L3MBTL1: variants seen among roughly 807,000 people sequenced by gnomAD.
L3MBTL1 encodes lethal(3)malignant brain tumor-like protein 1.
A neutral mutation model predicts 105.3 loss-of-function variants in L3MBTL1; 75 were observed. The ratio of observed to expected loss-of-function variants is 0.71; its 90% confidence interval spans 0.59 to 0.86. L3MBTL1 has a LOEUF of 0.86. Among genes scored for constraint, L3MBTL1 ranks in the 40% least tolerant of loss-of-function variants. L3MBTL1 has a pLI of 0.00. For missense variants in L3MBTL1, 1,069 were observed against 1,126.4 expected (o/e 0.95, Z 0.73); for synonymous variants, 452 against 436.2 (o/e 1.04, Z -0.45).
chr20:43,520,026 C>G (rs552833102), intron 7 of L3MBTL1, among the ~76,000 whole-genome samples: 60 of 152,224 alleles, frequency 3.9e-4, no homozygotes, highest in African/African-American at 1.4e-3. Context: ...CTGTAACCAT[C>G]ACCAAAACAT....
intron 19 of L3MBTL1, among the ~76,000 whole-genome samples, chr20:43,537,156 A>G (rs2019673416): frequency 6.6e-6 from 1 of 152,260 alleles, no homozygotes; most frequent in African/African-American, 2.4e-5. Context: ...TATAAGAGAC[A>G]TAAAGCACCT....
intron 7 of L3MBTL1, among the ~76,000 whole-genome samples, chr20:43,522,469 T>G (rs1180251488): frequency 2.5e-5 from 3 of 121,004 alleles, no homozygotes; most frequent in South Asian, 3.1e-4. Context: ...TTTTTTTTTT[T>G]TTTTTTTTTT....
intron 7 of L3MBTL1, among the ~76,000 whole-genome samples, 164 bp from the exon 8 acceptor site, chr20:43,528,493 A>C (rs1340163306): frequency 2.6e-5 from 4 of 152,206 alleles, no homozygotes; most frequent in African/African-American, 9.6e-5. Context: ...GCCTCCCCTC[A>C]GCCCCGTGTC....
At position 43,536,431 on chromosome 20, in the gene L3MBTL1, C is replaced by T. The variant is rs1433081565; in HGVS notation, c.2146C>T (p.Arg716Ter). Residue 716 changes from arginine to a stop codon, truncating the protein, a stop_gained, in exon 19 of 22, where the codon CGA (arginine) becomes TGA (stop). Coordinates refer to ENST00000418998, the MANE Select transcript of L3MBTL1 (RefSeq NM_001377303.1). LOFTEE classifies it high-confidence loss of function. Reference sequence around the variant, plus strand: ...CAGAATTGGACGCCCTCCGAAGTATCGAAAGATTCCGCAGGAAGATTTCCA... The same window carrying T: ...CAGAATTGGACGCCCTCCGAAGTATTGAAAGATTCCGCAGGAAGATTTCCA... ...HGRIGRPPKYRKIPQEDFQTL... is the reference protein window; with the variant it reads ...HGRIGRPPKY 2.5e-6 allele frequency: 4 copies of T among 1,613,998 alleles called. No individual in the cohort carries two copies. Among genetic ancestry groups the T allele is most frequent in the Non-Finnish European group, 3.4e-6 (4 of 1,180,020 alleles).
intron 10 of L3MBTL1, 120 bp downstream of exon 10, chr20:43,530,539 C>T: frequency 8.5e-7 from 1 of 1,183,246 alleles, no homozygotes. Context: ...GTTCCAAAGC[C>T]AGCCTCTCTT....
chr20:43,540,268 G>A lies in L3MBTL1; in HGVS notation c.2291G>A (p.Gly764Asp). ...TGCAAGCTCCTGCCAGGAGTAGCGG[G>A]CATCTCAGCCTCGACAGTCGCCAAG... ...QHCKLLPGVA[G>D]ISASTVAKWT... Residue 764 changes from glycine to aspartate, a missense_variant, in exon 20 of 22, where the codon GGC becomes GAC. Physicochemically the swap from Gly to Asp is moderately conservative, Grantham distance 94. Coordinates refer to ENST00000418998, the MANE Select transcript of L3MBTL1 (RefSeq NM_001377303.1). 1 of 1,613,776 alleles carries A rather than the reference G, an allele frequency of 6.2e-7. No individual in the cohort carries two copies. Among genetic ancestry groups the A allele is most frequent in the Non-Finnish European group, 8.5e-7 (1 of 1,180,020 alleles).
intron 1 of L3MBTL1, among the ~76,000 whole-genome samples, chr20:43,510,972 C>T (rs1489227494): frequency 1.3e-5 from 2 of 152,216 alleles, no homozygotes; most frequent in South Asian, 2.1e-4. Flanking sequence ...AGTCCTCCCA[C>T]CTCAGCCTCC....
At chr20:43,516,505 G>A (rs1381483129) in intron 7 of L3MBTL1, among the ~76,000 whole-genome samples, 1 of 152,130 alleles carries the variant, frequency 6.6e-6, no homozygotes, top group Non-Finnish European at 1.5e-5. Context: ...TCTCTTTAGT[G>A]GTGGGGCAAG....
chr20:43,514,773 G>A lies in L3MBTL1; in HGVS notation c.499G>A (p.Ala167Thr), dbSNP rs1426502472. The A allele has an allele frequency of 1.3e-6, 2 of 1,547,362 alleles. No homozygotes were observed. Among genetic ancestry groups the A allele is most frequent in the South Asian group, 1.2e-5 (1 of 83,942 alleles). The stretch of plus-strand genomic sequence containing the variant: ...AGATGGCGAGGCGGGCCCCCAACAG[G>A]CGGGTAGGAGCCCCGCTCCCCAGGC... The part of the protein sequence containing the change: ...AGDGEAGPQQ[A>T]EDHPQNPPED... The change falls in exon 4 of 22, where the codon GCG (alanine) becomes ACG (threonine). Residue 167 changes from alanine (A) to threonine (T), a missense_variant. By Grantham distance (58) the Ala-to-Thr change is moderately conservative. Coordinates refer to ENST00000418998, the MANE Select transcript of L3MBTL1 (RefSeq NM_001377303.1).
chr20:43,540,802 T>C lies in L3MBTL1; in HGVS notation c.2381T>C (p.Leu794Pro). ...TLTGCEDQAR[L>P]FKDEARIVRV... Reference sequence around the variant, plus strand: ...ACAGGTTGTGAGGACCAAGCACGCCTCTTCAAAGACGAGGTAAGGTGCAAG... The same window carrying C: ...ACAGGTTGTGAGGACCAAGCACGCCCCTTCAAAGACGAGGTAAGGTGCAAG... Residue 794 changes from leucine (L) to proline (P), a missense_variant, in exon 21 of 22, where the codon CTC (leucine) becomes CCC (proline). Transcript: ENST00000418998. 1 of 1,614,166 alleles carries C rather than the reference T, an allele frequency of 6.2e-7. No homozygotes were observed. Among genetic ancestry groups the C allele is most frequent in the Non-Finnish European group, 8.5e-7 (1 of 1,180,026 alleles).
intron 4 of L3MBTL1, 42 bp downstream of exon 4, chr20:43,514,818 G>T (rs771873901): frequency 2.0e-6 from 3 of 1,507,302 alleles, no homozygotes. Flanking sequence ...GGCCCTGTGC[G>T]GGTGGGGCGA....
Position 43,534,895 on chromosome 20 carries a change from C to T in L3MBTL1, c.1778C>T (p.Pro593Leu). The T allele has an allele frequency of 6.2e-7, 1 of 1,609,676 alleles. No homozygotes were observed. Among genetic ancestry groups the T allele is most frequent in the Non-Finnish European group, 8.5e-7 (1 of 1,179,696 alleles). The change falls in exon 16 of 22, where the codon CCT (proline) becomes CTT (leucine). Residue 593 changes from proline to leucine, a missense_variant. Coordinates refer to ENST00000418998, the MANE Select transcript of L3MBTL1 (RefSeq NM_001377303.1). ...WIDADHPDIH[P>L]AGWCSKTGHP... Reference sequence around the variant, plus strand: ...GACGCTGACCACCCAGACATCCACCCTGCCGGCTGGTGCTCCAAGACAGGA... The same window carrying T: ...GACGCTGACCACCCAGACATCCACCTTGCCGGCTGGTGCTCCAAGACAGGA...
chr20:43,516,015 T>C, intron 6 of L3MBTL1, 78 bp from the exon 7 acceptor site: 2 of 1,104,704 alleles, frequency 1.8e-6, no homozygotes, highest in East Asian at 2.4e-5. Context: ...GAGAGCCAGG[T>C]AGGGGCCAGG....
chr20:43,534,378 A>T lies in L3MBTL1; in HGVS notation c.1694A>T (p.Glu565Val). ...LIRVASVEDV[E>V]DHRIKIHFDG... Reference sequence around the variant, plus strand: ...CGCGTGGCCAGCGTGGAGGATGTGGAGGACCATCGGATAAAGGTGGCTCTG... The same window carrying T: ...CGCGTGGCCAGCGTGGAGGATGTGGTGGACCATCGGATAAAGGTGGCTCTG... The change falls in exon 15 of 22, where the codon GAG becomes GTG. Residue 565 changes from glutamate to valine, a missense_variant. By Grantham distance (121) the Glu-to-Val change is moderately radical. Transcript: ENST00000418998. 3 of 1,614,060 alleles carry T rather than the reference A, an allele frequency of 1.9e-6. No homozygotes were observed. The highest frequency in any genetic ancestry group is 2.5e-6 in the Non-Finnish European group (3 of 1,179,946).
intron 7 of L3MBTL1, among the ~76,000 whole-genome samples, chr20:43,526,032 G>T (rs1397938596): frequency 1.3e-5 from 2 of 152,160 alleles, no homozygotes; most frequent in East Asian, 3.9e-4. Context: ...GGGGACCAGT[G>T]GTAAGAGATA....
At position 43,534,937 on chromosome 20, in the gene L3MBTL1, C is replaced by G. The variant is rs750622487; in HGVS notation, c.1820C>G (p.Pro607Arg). The G allele has an allele frequency of 6.3e-7, 1 of 1,595,458 alleles. No individual in the cohort carries two copies. Among genetic ancestry groups the G allele is most frequent in the Non-Finnish European group, 8.5e-7 (1 of 1,174,494 alleles). ...CSKTGHPLQP[P>R]LGPREPSSAS... ...AAGACAGGACATCCCCTGCAGCCTC[C>G]TCTCGGTGTGTACCCCTAGGGCACT... Residue 607 changes from proline to arginine, a missense_variant, in exon 16 of 22, where the codon CCT (proline) becomes CGT (arginine). Pro to Arg is a moderately radical substitution (Grantham distance 103). Transcript: ENST00000418998.
In L3MBTL1 at chr20:43,540,798, C is replaced by A. The variant is rs888078814; in HGVS notation, c.2377C>A (p.Arg793Ser). The change falls in exon 21 of 22, where the codon CGC becomes AGC. Residue 793 changes from arginine (R) to serine (S), a missense_variant. Physicochemically the swap from Arg to Ser is moderately radical, Grantham distance 110. Coordinates refer to ENST00000418998, the MANE Select transcript of L3MBTL1 (RefSeq NM_001377303.1). Reference protein sequence around the residue: ...QTLTGCEDQARLFKDEARIVR... With the variant: ...QTLTGCEDQASLFKDEARIVR... ...CCTGACAGGTTGTGAGGACCAAGCA[C>A]GCCTCTTCAAAGACGAGGTAAGGTG... The A allele has an allele frequency of 1.2e-6, 2 of 1,614,174 alleles. No homozygotes were observed.
At chr20:43,534,625 A>G in intron 15 of L3MBTL1, 1 of 608,096 alleles carries the variant, frequency 1.6e-6, no homozygotes, top group Non-Finnish European at 2.9e-6. Flanking sequence ...CCACCTAAGG[A>G]TTGCCAGTGG....
At chr20:43,543,645 G>A (rs1419955957), downstream of L3MBTL1, among the ~76,000 whole-genome samples, 1 of 152,166 alleles carries the variant, frequency 6.6e-6, no homozygotes, top group Non-Finnish European at 1.5e-5. Flanking sequence ...TCCCCATGTA[G>A]GACAATGCTC....
Sources: allele counts gnomAD v4.1 joint callset (sites outside exome capture counted in the v4.1 genomes callset), GRCh38; gene constraint gnomAD v4.1.1; transcripts MANE v1.5; gene names NCBI Gene and HGNC (gene_info 2026-07-23, HGNC 2026-07-21).